The following XPO7 variants were observed in gnomAD, a reference collection of about 807,000 sequenced individuals.
The protein encoded by XPO7 is exportin 7.
XPO7 carries 21 observed loss-of-function variants against 144.3 expected under a neutral mutation model. The observed-to-expected ratio is 0.15, with a 90% confidence interval of 0.10 to 0.21. XPO7 has a LOEUF of 0.21. XPO7 is among the 10% of genes least tolerant of loss of function. XPO7 has a pLI of 1.00. For missense variants in XPO7, 808 were observed against 1,325.8 expected, an observed-to-expected ratio of 0.61 and a Z score of 6.06; for synonymous variants, 580 against 499.6, an observed-to-expected ratio of 1.16 and a Z score of -2.15.
intron 18 of XPO7, 37 bp from the exon 19 acceptor site, chr8:21,991,831 G>C: frequency 6.6e-7 from 1 of 1,521,744 alleles, no homozygotes. Context: ...TTGAATTCTT[G>C]GTATTGGGGT....
chr8:21,961,091 G>A (rs1452330158), intron 1 of XPO7, among the ~76,000 whole-genome samples: 1 of 152,098 alleles, frequency 6.6e-6, no homozygotes, highest in East Asian at 1.9e-4. Context: ...TGCTATTGAT[G>A]GGTATTTGGC....
intron 21 of XPO7, among the ~76,000 whole-genome samples, chr8:21,996,331 C>T (rs1179578064): frequency 6.6e-6 from 1 of 152,186 alleles, no homozygotes; most frequent in African/African-American, 2.4e-5. Context: ...AGGAAGATTG[C>T]TTTAGCCTGG....
intron 19 of XPO7, among the ~76,000 whole-genome samples, chr8:21,992,737 A>T (rs1410096418): frequency 1.3e-5 from 2 of 152,116 alleles, no homozygotes; most frequent in Admixed American, 1.3e-4. Context: ...ATGGAATTTT[A>T]AGTTCTTGTT....
chr8:21,929,255 CAAA>C (rs886974123), intron 1 of XPO7, among the ~76,000 whole-genome samples: 6 of 152,166 alleles, frequency 3.9e-5, no homozygotes, highest in African/African-American at 1.4e-4. Flanking sequence ...GGATTAGAAG[CAAA>C]GTGGAACATA....
chr8:21,920,530 A>C (rs561862098), intron 1 of XPO7, among the ~76,000 whole-genome samples: 1 of 152,278 alleles, frequency 6.6e-6, no homozygotes, highest in South Asian at 2.1e-4. Context: ...GGTTGGGTGC[A>C]GACGTTGCTC....
At chr8:21,986,273 C>T (rs546007801) in intron 13 of XPO7, among the ~76,000 whole-genome samples, 1 of 152,084 alleles carries the variant, frequency 6.6e-6, no homozygotes, top group East Asian at 1.9e-4. Flanking sequence ...CCTGCCTCAG[C>T]CTCCCAAGTA....
At chr8:21,925,280 C>G (rs1157173970) in intron 1 of XPO7, among the ~76,000 whole-genome samples, 1 of 152,210 alleles carries the variant, frequency 6.6e-6, no homozygotes, top group Non-Finnish European at 1.5e-5. Context: ...GCTGTTCACC[C>G]CTTCGCACAT....
At chr8:21,930,024 C>T (rs1046908839) in intron 1 of XPO7, among the ~76,000 whole-genome samples, 1 of 152,194 alleles carries the variant, frequency 6.6e-6, no homozygotes, top group Non-Finnish European at 1.5e-5. Context: ...AATCTAAATG[C>T]ACCAGCTAAC....
intron 1 of XPO7, among the ~76,000 whole-genome samples, chr8:21,931,434 C>T (rs560031623): frequency 8.5e-5 from 13 of 152,214 alleles, no homozygotes; most frequent in Admixed American, 2.0e-4. Flanking sequence ...CGTGAGCCAC[C>T]GTACCTGGCC....
At chr8:21,962,430 T>C (rs2117314823) in intron 1 of XPO7, among the ~76,000 whole-genome samples, 1 of 152,360 alleles carries the variant, frequency 6.6e-6, no homozygotes, top group Admixed American at 6.5e-5. Context: ...TGAATAGTTT[T>C]TTGTCTGGTT....
chr8:21,942,585 A>G (rs1484305376), intron 1 of XPO7, among the ~76,000 whole-genome samples: 2 of 152,356 alleles, frequency 1.3e-5, no homozygotes, highest in South Asian at 2.1e-4. Flanking sequence ...CCAGCCTCAC[A>G]TAGATAACGT....
chr8:21,985,004 A>G (rs1003967628), intron 12 of XPO7, among the ~76,000 whole-genome samples, 165 bp downstream of exon 12: 2 of 152,206 alleles, frequency 1.3e-5, no homozygotes, highest in Non-Finnish European at 2.9e-5. Context: ...CCCTCAAGGG[A>G]CTAGGGAAGA....
At chr8:21,942,861 A>G (rs1811038509) in intron 1 of XPO7, among the ~76,000 whole-genome samples, 1 of 152,186 alleles carries the variant, frequency 6.6e-6, no homozygotes, top group African/African-American at 2.4e-5. Context: ...CTTCTTTATG[A>G]AGGGCAGTCT....
intron 12 of XPO7, 34 bp downstream of exon 12, chr8:21,984,873 G>GC: frequency 6.2e-7 from 1 of 1,606,176 alleles, no homozygotes; most frequent in Non-Finnish European, 8.5e-7. Context: ...CTCTAGACCT[G>GC]TGAGGAGATG....
chr8:21,966,313 G>C (rs749006789), intron 1 of XPO7: 2 of 780,482 alleles, frequency 2.6e-6, no homozygotes, highest in Admixed American at 1.7e-5. Flanking sequence ...CAGGGAGGAA[G>C]GTGCGTAAAT....
At chr8:21,989,653 A>C (rs902992064) in intron 16 of XPO7, among the ~76,000 whole-genome samples, 1 of 151,912 alleles carries the variant, frequency 6.6e-6, no homozygotes, top group Non-Finnish European at 1.5e-5. Flanking sequence ...AATAGGAGAG[A>C]AGTTCATTCA....
intron 21 of XPO7, among the ~76,000 whole-genome samples, chr8:21,998,169 C>T (rs60369104): frequency 0.019 from 2,968 of 152,244 alleles, 111 homozygotes; most frequent in African/African-American, 0.067. Flanking sequence ...AGGCCGGGCA[C>T]GGTGGCTCAC....
At chr8:21,929,206 A>G (rs1245037033) in intron 1 of XPO7, among the ~76,000 whole-genome samples, 1 of 152,240 alleles carries the variant, frequency 6.6e-6, no homozygotes, top group Non-Finnish European at 1.5e-5. Context: ...TTTCTATTGG[A>G]CAGTGCTACT....
At chr8:22,002,297 CAGT>C (rs775213541) in intron 25 of XPO7, 25 bp downstream of exon 25, 37 of 1,606,706 alleles carry the variant, frequency 2.3e-5, no homozygotes, top group Non-Finnish European at 3.1e-5. Context: ...GCTTAGGAGG[CAGT>C]GATGGGGTGT....
Sources: allele counts gnomAD v4.1 joint callset (sites outside exome capture counted in the v4.1 genomes callset), GRCh38; gene constraint gnomAD v4.1.1; transcripts MANE v1.5; gene names NCBI Gene and HGNC (gene_info 2026-07-23, HGNC 2026-07-21).